The following SLC44A5 variants were observed in gnomAD, a reference collection of about 807,000 sequenced individuals.
SLC44A5 encodes choline transporter-like protein 5.
In SLC44A5, 57 loss-of-function variants were observed where a neutral mutation model predicts 101.8. That is an observed-to-expected ratio of 0.56 (90% CI 0.45 to 0.70). SLC44A5 has a LOEUF of 0.70. Among genes scored for constraint, SLC44A5 ranks in the 30% least tolerant of loss-of-function variants. The probability of loss-of-function intolerance (pLI) is 0.00; values close to 1 mark genes in which losing one functional copy is unlikely to be tolerated. For missense variants in SLC44A5, 737 were observed against 853.1 expected, an observed-to-expected ratio of 0.86 and a Z score of 1.70; for synonymous variants, 281 against 290.9, an observed-to-expected ratio of 0.97 and a Z score of 0.35.
chr1:75,511,220 C>A (rs528947797), intron 2 of SLC44A5, among the ~76,000 whole-genome samples: 5 of 152,146 alleles, frequency 3.3e-5, no homozygotes, highest in Non-Finnish European at 5.9e-5. Flanking sequence ...TTAGATCTTG[C>A]TATAGTCAGG....
chr1:75,217,829 A>T (rs1222856010), intron 18 of SLC44A5, 37 bp downstream of exon 18: 1 of 1,365,172 alleles, frequency 7.3e-7, no homozygotes, highest in Non-Finnish European at 1.0e-6. Context: ...AACCCAATTT[A>T]TTATCTTCAC....
Position 75,223,988 on chromosome 1 carries a change from A to G in SLC44A5, c.986-1528T>C, listed in dbSNP as rs1033398626. Among the ~76,000 whole-genome samples, 3 of 152,300 alleles carry G rather than the reference A, an allele frequency of 2.0e-5. No individual in the cohort carries two copies. In the Middle Eastern group the frequency reaches 0.01, roughly 518 times the overall value. Reference sequence around the variant, plus strand: ...CACCGTTAAAAAACCCTCTATATCTAACTTCTGCCTTTATAAAATTGCACC... The same window carrying G: ...CACCGTTAAAAAACCCTCTATATCTGACTTCTGCCTTTATAAAATTGCACC... On this transcript the variant is annotated intron_variant, in intron 13 of 23. Transcript: ENST00000370859.
chr1:75,659,448 G>T, the SLC44A5 span, among the ~76,000 whole-genome samples: 7 of 17,436 alleles, frequency 4.0e-4, no homozygotes, highest in African/African-American at 1.5e-3. Flanking sequence ...AGGGAGGGAA[G>T]GAAGGAAGGA....
intron 3 of SLC44A5, among the ~76,000 whole-genome samples, chr1:75,347,839 A>T (rs1297132699): frequency 6.6e-6 from 1 of 152,174 alleles, no homozygotes; most frequent in Non-Finnish European, 1.5e-5. Flanking sequence ...TCTGTGGACC[A>T]TATGTGAGGC....
intron 3 of SLC44A5, among the ~76,000 whole-genome samples, chr1:75,369,524 A>G (rs1660090835): frequency 6.6e-6 from 1 of 152,160 alleles, no homozygotes; most frequent in Non-Finnish European, 1.5e-5. Context: ...TTCATGAGAG[A>G]TACATACATT....
intron 1 of SLC44A5, among the ~76,000 whole-genome samples, chr1:75,559,830 A>G (rs1216036630): frequency 2.6e-5 from 4 of 152,202 alleles, no homozygotes; most frequent in African/African-American, 9.6e-5. Context: ...AGAAGTTTAT[A>G]ACTTGACAAT....
At chr1:75,656,803 G>T in the SLC44A5 span, among the ~76,000 whole-genome samples, 1 of 152,098 alleles carries the variant, frequency 6.6e-6, no homozygotes, top group Non-Finnish European at 1.5e-5. Flanking sequence ...GTAACAAAAT[G>T]GTAGTAGTAA....
At chr1:75,504,110 C>T (rs1027999468) in intron 2 of SLC44A5, among the ~76,000 whole-genome samples, 7 of 152,014 alleles carry the variant, frequency 4.6e-5, no homozygotes, top group African/African-American at 7.2e-5. Context: ...AACTCTAAAT[C>T]GGCAAAGTAA....
chr1:75,430,075 T>TC (rs1664526984), intron 2 of SLC44A5, among the ~76,000 whole-genome samples: 1 of 152,112 alleles, frequency 6.6e-6, no homozygotes, highest in African/African-American at 2.4e-5. Context: ...TCTGAATGTG[T>TC]CCCCCAACAT....
chr1:75,521,208 G>A (rs1670101684), intron 2 of SLC44A5, among the ~76,000 whole-genome samples: 1 of 152,022 alleles, frequency 6.6e-6, no homozygotes, highest in African/African-American at 2.4e-5. Flanking sequence ...GTTGAGGGAA[G>A]TCAACCACAT....
intron 2 of SLC44A5, among the ~76,000 whole-genome samples, chr1:75,465,954 A>G (rs1434390700): frequency 6.6e-6 from 1 of 152,216 alleles, no homozygotes; most frequent in African/African-American, 2.4e-5. Context: ...ACATTCAAAG[A>G]AAAGCTAATA....
At chr1:75,565,941 A>G (rs1672762933) in intron 1 of SLC44A5, among the ~76,000 whole-genome samples, 1 of 152,226 alleles carries the variant, frequency 6.6e-6, no homozygotes, top group Non-Finnish European at 1.5e-5. Flanking sequence ...ATTAATATTG[A>G]AGGTGTTATT....
rs141420405 is a variant in SLC44A5 at position 75,448,526 on chromosome 1, T to C, written c.14-51905A>G. Among the ~76,000 whole-genome samples, 656 of 152,288 alleles carry C rather than the reference T, an allele frequency of 4.3e-3. 6 individuals carry two copies. Among genetic ancestry groups the C allele is most frequent in the African/African-American group, 0.015 (636 of 41,554 alleles). On this transcript the variant is annotated intron_variant, in intron 2 of 23. Transcript: ENST00000370859. Reference sequence around the variant, plus strand: ...ATCTCTAAATGGAAGAAAGGAATAATAGATACTGGGGTATTTAATGGTTTC... The same window carrying C: ...ATCTCTAAATGGAAGAAAGGAATAACAGATACTGGGGTATTTAATGGTTTC...
intron 2 of SLC44A5, among the ~76,000 whole-genome samples, chr1:75,439,755 A>G (rs1018779697): frequency 3.9e-5 from 6 of 152,188 alleles, no homozygotes; most frequent in African/African-American, 1.4e-4. Flanking sequence ...AGAAAGAGAA[A>G]ATGGAGAAAA....
intron 5 of SLC44A5, among the ~76,000 whole-genome samples, chr1:75,290,787 G>A (rs1478338248): frequency 6.6e-6 from 1 of 152,180 alleles, no homozygotes; most frequent in Non-Finnish European, 1.5e-5. Context: ...TTCTGAACAA[G>A]TGACCAGCCT....
the SLC44A5 span, among the ~76,000 whole-genome samples, chr1:75,636,151 T>C: frequency 1.3e-5 from 2 of 152,156 alleles, no homozygotes; most frequent in Admixed American, 1.3e-4. Flanking sequence ...CTTCCACGTA[T>C]GAGTGAGAAC....
At chr1:75,676,847 G>A in the SLC44A5 span, among the ~76,000 whole-genome samples, 4 of 152,084 alleles carry the variant, frequency 2.6e-5, no homozygotes, top group African/African-American at 9.7e-5. Context: ...AAACGTCAAG[G>A]ATAAAGAAAG....
chr1:75,211,103 T>A (rs1276076725), intron 23 of SLC44A5, among the ~76,000 whole-genome samples: 1 of 152,158 alleles, frequency 6.6e-6, no homozygotes, highest in African/African-American at 2.4e-5. Context: ...ATGCTGTACA[T>A]GTGAGTGCCA....
At chr1:75,566,827 C>A (rs919659411) in intron 1 of SLC44A5, among the ~76,000 whole-genome samples, 6 of 151,986 alleles carry the variant, frequency 3.9e-5, no homozygotes, top group Non-Finnish European at 7.4e-5. Context: ...CATTTGAAGC[C>A]CCTCACTTAA....
Sources: allele counts gnomAD v4.1 joint callset (sites outside exome capture counted in the v4.1 genomes callset), GRCh38; gene constraint gnomAD v4.1.1; transcripts MANE v1.5; gene names NCBI Gene and HGNC (gene_info 2026-07-23, HGNC 2026-07-21).